Variants in DOCK3 observed in about 807,000 individuals in gnomAD.
DOCK3 encodes dedicator of cytokinesis protein 3.
A neutral mutation model predicts 265.6 loss-of-function variants in DOCK3; 60 were observed. The ratio of observed to expected loss-of-function variants is 0.23; its 90% confidence interval spans 0.18 to 0.28. DOCK3 has a LOEUF of 0.28. Among genes scored for constraint, DOCK3 ranks in the 10% least tolerant of loss-of-function variants. The pLI, the probability that DOCK3 is intolerant of heterozygous loss-of-function variation, is 1.00. For synonymous variants in DOCK3, 881 were observed against 938.0 expected, an observed-to-expected ratio of 0.94 and a Z score of 1.11; for missense variants, 1,981 against 2,594.3, an observed-to-expected ratio of 0.76 and a Z score of 5.14.
At chr3:51,040,921 T>C (rs541393711) in intron 5 of DOCK3, among the ~76,000 whole-genome samples, 26 of 151,836 alleles carry the variant, frequency 1.7e-4, no homozygotes, top group Non-Finnish European at 2.6e-4. Context: ...GTTTTCTTGC[T>C]AATTCTACCA....
chr3:50,774,766 C>T (rs954933033), intron 1 of DOCK3, among the ~76,000 whole-genome samples: 1 of 151,884 alleles, frequency 6.6e-6, no homozygotes, highest in African/African-American at 2.4e-5. Context: ...TGTTCCTAAC[C>T]TTAGTGATAA....
At chr3:50,932,102 T>C (rs2051099522) in intron 4 of DOCK3, among the ~76,000 whole-genome samples, 1 of 152,212 alleles carries the variant, frequency 6.6e-6, no homozygotes, top group Admixed American at 6.5e-5. Flanking sequence ...CACATTTTAC[T>C]CTTAACAAGC....
intron 7 of DOCK3, among the ~76,000 whole-genome samples, chr3:51,082,405 C>T (rs1011150809): frequency 8.5e-5 from 13 of 152,134 alleles, no homozygotes; most frequent in East Asian, 7.7e-4. Flanking sequence ...GGGTCTCCAG[C>T]GCTTTAGCCC....
At chr3:50,715,581 A>G (rs2037055615) in intron 1 of DOCK3, among the ~76,000 whole-genome samples, 1 of 152,060 alleles carries the variant, frequency 6.6e-6, no homozygotes, top group Non-Finnish European at 1.5e-5. Context: ...ATGAGTAGGT[A>G]TTTTCAGGAT....
At chr3:51,121,031 C>T (rs1408790357) in intron 9 of DOCK3, among the ~76,000 whole-genome samples, 1 of 152,060 alleles carries the variant, frequency 6.6e-6, no homozygotes, top group African/African-American at 2.4e-5. Flanking sequence ...AACAAACAAA[C>T]AAAAACAAAC....
intron 35 of DOCK3, among the ~76,000 whole-genome samples, chr3:51,335,971 G>T (rs60166061): frequency 0.02 from 2,744 of 137,308 alleles, 94 homozygotes; most frequent in African/African-American, 0.071. Context: ...CAGCTTGGGC[G>T]ACAAAATGAG....
At chr3:50,782,776 C>T (rs1370511694) in intron 2 of DOCK3, among the ~76,000 whole-genome samples, 2 of 151,702 alleles carry the variant, frequency 1.3e-5, no homozygotes, top group Non-Finnish European at 2.9e-5. Context: ...GCCTTTTATC[C>T]CTCACCCACC....
chr3:50,917,267 T>C (rs537055607), intron 4 of DOCK3, among the ~76,000 whole-genome samples: 6 of 152,092 alleles, frequency 3.9e-5, no homozygotes, highest in Non-Finnish European at 7.3e-5. Context: ...TCTTTAAAGG[T>C]TTGATAAAAC....
At chr3:50,994,644 A>G (rs2078217536) in intron 5 of DOCK3, among the ~76,000 whole-genome samples, 1 of 152,228 alleles carries the variant, frequency 6.6e-6, no homozygotes. Flanking sequence ...TATTCAGGTG[A>G]AGATATCTGT....
rs902418566 is a variant in DOCK3, at chr3:51,095,725, G to A, written c.746+5341G>A. On this transcript the variant is annotated intron_variant, in intron 9 of 52. Coordinates refer to ENST00000266037, the MANE Select transcript of DOCK3 (RefSeq NM_004947.5). ...CTTACCCAACTTTTAGTGGAGAAAG[G>A]TAATACTCAAAAGCTCTCTCAATTC... is the stretch of plus-strand genomic sequence containing the variant. 3.3e-5 allele frequency among the ~76,000 whole-genome samples: 5 copies of A among 151,338 alleles called. No individual in the cohort carries two copies. In the East Asian group the frequency reaches 7.7e-4, roughly 23 times the overall value.
chr3:50,887,976 T>G (rs1050178817), intron 3 of DOCK3, among the ~76,000 whole-genome samples: 3 of 152,036 alleles, frequency 2.0e-5, no homozygotes, highest in African/African-American at 7.2e-5. Context: ...CTCTCACCAC[T>G]CCTGTTCAAC....
intron 3 of DOCK3, among the ~76,000 whole-genome samples, chr3:50,881,599 C>G (rs1366658214): frequency 6.6e-6 from 1 of 152,124 alleles, no homozygotes; most frequent in Non-Finnish European, 1.5e-5. Context: ...CAAACCACTG[C>G]TCAACGAAAT....
chr3:51,230,064 T>C (rs949867746), intron 19 of DOCK3, among the ~76,000 whole-genome samples: 1 of 152,234 alleles, frequency 6.6e-6, no homozygotes, highest in African/African-American at 2.4e-5. Context: ...ATCTCTCCCA[T>C]TTTAAGGCTG....
chr3:51,240,996 T>G lies in DOCK3; in HGVS notation c.2102+3406T>G, dbSNP rs2078587845. On this transcript the variant is annotated intron_variant, in intron 21 of 52. Coordinates refer to ENST00000266037, the MANE Select transcript of DOCK3 (RefSeq NM_004947.5). ...GATGTTAGCTGGTTATTTTGCAGAC[T>G]TGTTTATGTAGTTGCTTTATAATGT... Among the ~76,000 whole-genome samples, 4 of 152,242 alleles carry G rather than the reference T, an allele frequency of 2.6e-5. No homozygotes were observed. In the South Asian group the frequency reaches 8.3e-4, roughly 31 times the overall value.
At chr3:51,197,880 C>T (rs1366010327) in intron 12 of DOCK3, among the ~76,000 whole-genome samples, 3 of 152,282 alleles carry the variant, frequency 2.0e-5, no homozygotes. Flanking sequence ...CAGGGGTAGC[C>T]CACCTCAGCT....
rs1011622983 is a variant in DOCK3, at chr3:50,950,278, A to G, written c.315+16201A>G. ...TTCTGATTCAAATTTTTAAAAATCT[A>G]CTGACTCTTGCTTTTGTTCACTTGT... On this transcript the variant is annotated intron_variant, in intron 5 of 52. Coordinates refer to ENST00000266037, the MANE Select transcript of DOCK3 (RefSeq NM_004947.5). 3.3e-5 allele frequency among the ~76,000 whole-genome samples: 5 copies of G among 152,218 alleles called. No individual in the cohort carries two copies. In the South Asian group the frequency reaches 6.2e-4, roughly 19 times the overall value.
intron 5 of DOCK3, among the ~76,000 whole-genome samples, chr3:50,999,123 G>T (rs1156964963): frequency 6.6e-6 from 1 of 152,164 alleles, no homozygotes; most frequent in Non-Finnish European, 1.5e-5. Context: ...GAGTTTTACT[G>T]CTATAAAACC....
At chr3:51,342,050 A>G (rs2085278348) in intron 38 of DOCK3, among the ~76,000 whole-genome samples, 1 of 152,120 alleles carries the variant, frequency 6.6e-6, no homozygotes, top group Admixed American at 6.6e-5. Flanking sequence ...TGTTGAAGCC[A>G]TTTTCTCATT....
chr3:50,965,781 T>A (rs957538886), intron 5 of DOCK3, among the ~76,000 whole-genome samples: 8 of 152,180 alleles, frequency 5.3e-5, no homozygotes, highest in Admixed American at 1.3e-4. Flanking sequence ...CAAACATTTT[T>A]TAATTAAACA....
Sources: gnomAD v4.1 joint callset for allele counts (sites outside exome capture counted in the v4.1 genomes callset) on GRCh38, gnomAD v4.1.1 for gene constraint, MANE v1.5 for transcripts, NCBI Gene and HGNC (gene_info 2026-07-23, HGNC 2026-07-21) for gene names.